RPL11: variants seen among roughly 807,000 people sequenced by gnomAD.
RPL11 encodes ribosomal protein L11, also known as large ribosomal subunit protein uL5.
In RPL11, 3 loss-of-function variants were observed where a neutral mutation model predicts 24.1. The observed-to-expected ratio is 0.12, with a 90% CI of 0.06 to 0.32. RPL11 has a LOEUF of 0.32. Ranked by LOEUF, RPL11 falls within the 10% of genes least tolerant of loss-of-function variation. The pLI is 1.00. For synonymous variants in RPL11, 96 were observed against 75.7 expected (o/e 1.27, Z -1.39); for missense variants, 146 against 225.7 (o/e 0.65, Z 2.26).
intron 1 of RPL11, 125 bp from the exon 2 acceptor site, chr1:23,692,484 T>C (rs1325165854): frequency 7.9e-7 from 1 of 1,262,548 alleles, no homozygotes; most frequent in African/African-American, 1.5e-5. Flanking sequence ...TTATACCTTT[T>C]AAACATTCAG....
chr1:23,693,275 G>A (rs1053229732), intron 2 of RPL11, among the ~76,000 whole-genome samples: 62 of 152,262 alleles, frequency 4.1e-4, no homozygotes, highest in African/African-American at 1.5e-3. Flanking sequence ...GCATAAAGAG[G>A]GTAATACTTT....
chr1:23,692,806 G>C, intron 2 of RPL11, 47 bp downstream of exon 2: 1 of 1,610,590 alleles, frequency 6.2e-7, no homozygotes, highest in Non-Finnish European at 8.5e-7. Flanking sequence ...TGGGTCGCTT[G>C]GTTGTTTCTT....
At chr1:23,693,170 T>C (rs1644512112) in intron 2 of RPL11, among the ~76,000 whole-genome samples, 1 of 152,206 alleles carries the variant, frequency 6.6e-6, no homozygotes, top group Non-Finnish European at 1.5e-5. Flanking sequence ...GTTGACCCTA[T>C]CTCAAAAGTT....
chr1:23,692,981 G>C (rs1412154368), intron 2 of RPL11, among the ~76,000 whole-genome samples: 2 of 151,494 alleles, frequency 1.3e-5, no homozygotes, highest in African/African-American at 4.9e-5. Context: ...GCTAAGACTA[G>C]CCCAAGTAAA....
chr1:23,692,964 A>T (rs1644510820), intron 2 of RPL11, among the ~76,000 whole-genome samples: 2 of 151,288 alleles, frequency 1.3e-5, no homozygotes. Flanking sequence ...ATTTGAGCAG[A>T]TCTTAAGCTA....
At position 23,696,521 on chromosome 1, in the gene RPL11, C is replaced by A; in HGVS notation, c.*148C>A. On this transcript the variant is annotated 3_prime_UTR_variant, in exon 6 of 6. Coordinates refer to ENST00000643754, the MANE Select transcript of RPL11 (RefSeq NM_000975.5). ...CGATGGGAGTAGCTGGTAACAACCC[C>A]GTCATCCTCTGATTGGATGCCAGTA... The A allele has an allele frequency of 1.3e-6, 1 of 748,286 alleles. No individual in the cohort carries two copies. Among genetic ancestry groups the A allele is most frequent in the East Asian group, 2.6e-5 (1 of 37,736 alleles). The allele number at this position is 748,286 out of a possible 1,614,324, so 46.4% of individuals were successfully genotyped here. A position where few individuals can be genotyped will look rare whatever the true frequency, so the allele number is the denominator to read the frequency against.
At position 23,696,555 on chromosome 1, in the gene RPL11, CAG is replaced by C; in HGVS notation, c.*184_*185del. The stretch of plus-strand genomic sequence containing the variant: ...CTGATTGGATGCCAGTATTTCCTGG[CAG>C]ATCCAAGTCCAAGCTTCATAGCATT... On this transcript the variant is annotated 3_prime_UTR_variant, in exon 6 of 6. Coordinates refer to ENST00000643754, the MANE Select transcript of RPL11 (RefSeq NM_000975.5). 1.5e-6 allele frequency: 1 copy of C among 669,012 alleles called. No homozygotes were observed. The highest frequency in any genetic ancestry group is 2.7e-6 in the Non-Finnish European group (1 of 371,790). 41.4% of individuals were successfully genotyped at this position (669,012 alleles called of 1,614,324 possible).
At chr1:23,692,200 G>T (rs1288198212) in intron 1 of RPL11, 1 of 454,914 alleles carries the variant, frequency 2.2e-6, no homozygotes, top group Non-Finnish European at 4.0e-6. Flanking sequence ...TAGGGAAGGT[G>T]CCAGCCTTTA....
At position 23,694,478 on chromosome 1, in the gene RPL11, T is replaced by C. The variant is rs560348158; in HGVS notation, c.265-182T>C. 4.6e-5 allele frequency among the ~76,000 whole-genome samples: 7 copies of C among 151,786 alleles called. No homozygotes were observed. In the East Asian group the frequency reaches 1.4e-3, roughly 29 times the overall value. The stretch of plus-strand genomic sequence containing the variant: ...GGAAGCTGGGAGAGGTCATACTGGG[T>C]AGTTGGGGTGTGAATCTATAGTCGA... On this transcript the variant is annotated intron_variant, in intron 3 of 5. Coordinates refer to ENST00000643754, the MANE Select transcript of RPL11 (RefSeq NM_000975.5).
chr1:23,693,801 C>T lies in RPL11; in HGVS notation c.158-6C>T. ...CATCTGACTCCTTGTTACCCACTTC[C>T]TGCAGCTAGATACACTGTCAGATCC... is the stretch of plus-strand genomic sequence containing the variant. On this transcript the variant is annotated splice_region_variant and splice_polypyrimidine_tract_variant and intron_variant, in intron 2 of 5. Coordinates refer to ENST00000643754, the MANE Select transcript of RPL11 (RefSeq NM_000975.5). The T allele has an allele frequency of 1.2e-6, 2 of 1,612,176 alleles. No homozygotes were observed. The highest frequency in any genetic ancestry group is 1.7e-6 in the Non-Finnish European group (2 of 1,178,308).
At chr1:23,693,325 G>C (rs1285246647) in intron 2 of RPL11, among the ~76,000 whole-genome samples, 2 of 152,180 alleles carry the variant, frequency 1.3e-5, no homozygotes, top group Non-Finnish European at 2.9e-5. Flanking sequence ...ATGTGTAGTT[G>C]CTTTAGGACA....
At chr1:23,695,061 G>T in intron 4 of RPL11, 1 of 487,944 alleles carries the variant, frequency 2.0e-6, no homozygotes, top group East Asian at 4.0e-5. Flanking sequence ...GAAGGAAACT[G>T]TTCCCTCCAG....
Position 23,694,596 on chromosome 1 carries a change from T to G in RPL11, c.265-64T>G. 2.5e-6 allele frequency: 4 copies of G among 1,609,432 alleles called. No individual in the cohort carries two copies. The South Asian group carries it at 4.4e-5, about 18-fold the overall frequency. On this transcript the variant is annotated intron_variant, in intron 3 of 5. Coordinates refer to ENST00000643754, the MANE Select transcript of RPL11 (RefSeq NM_000975.5). ...ATGTTGCAGGCTGAGCTATTAATAG[T>G]TACTTGGGGGTGGGAGGGAGTTGAA... is the stretch of plus-strand genomic sequence containing the variant.
rs751324954 is a variant in RPL11 at position 23,691,839 on chromosome 1, T to G, written c.6+10T>G. On this transcript the variant is annotated intron_variant, in intron 1 of 5. Transcript: ENST00000643754. ...GCTCTCCATCATGGCGGTGAGTAGC[T>G]GGGACCTGGATTTGCTTTCCTTTAT... 1.9e-6 allele frequency: 3 copies of G among 1,614,138 alleles called. No individual in the cohort carries two copies. The highest frequency in any genetic ancestry group is 2.5e-6 in the Non-Finnish European group (3 of 1,180,048).
At position 23,692,765 on chromosome 1, in the gene RPL11, T is replaced by TA. The variant is rs1644509308; in HGVS notation, c.157+7dup. The TA allele has an allele frequency of 1.2e-6, 2 of 1,612,990 alleles. No homozygotes were observed. Among genetic ancestry groups the TA allele is most frequent in the Non-Finnish European group, 1.7e-6 (2 of 1,179,862 alleles). On this transcript the variant is annotated splice_region_variant and intron_variant, in intron 2 of 5. Coordinates refer to ENST00000643754, the MANE Select transcript of RPL11 (RefSeq NM_000975.5). ...GACCCCTGTGTTTTCCAAAGGTGAG[T>TA]AGTCACAAGGACATACAGGGTTTGC...
rs1474884432 is a variant in RPL11, at chr1:23,693,985, T to C, written c.264+72T>C. 3 of 1,103,662 alleles carry C rather than the reference T, an allele frequency of 2.7e-6. No homozygotes were observed. The African/African-American group carries it at 4.6e-5, about 17-fold the overall frequency. 68.4% of individuals were successfully genotyped at this position (1,103,662 alleles called of 1,614,324 possible). On this transcript the variant is annotated intron_variant, in intron 3 of 5. Coordinates refer to ENST00000643754, the MANE Select transcript of RPL11 (RefSeq NM_000975.5). ...GTAACACATGTAGATAAGTTACATT[T>C]AATGTTCTGTTCTTTGGTGTCTTGA...
intron 4 of RPL11, chr1:23,695,439 T>A (rs2124431731): frequency 3.1e-6 from 1 of 320,364 alleles, no homozygotes; most frequent in Middle Eastern, 1.1e-3. Flanking sequence ...TATATATATT[T>A]GTGCTTCTCA....
chr1:23,695,007 G>A, intron 4 of RPL11: 1 of 664,668 alleles, frequency 1.5e-6, no homozygotes. Flanking sequence ...TGGGGAACTT[G>A]CAGTCGAGGA....
intron 4 of RPL11, 195 bp downstream of exon 4, chr1:23,694,986 A>T: frequency 2.5e-6 from 2 of 784,352 alleles, no homozygotes; most frequent in Non-Finnish European, 4.2e-6. Context: ...GGTGGACAAG[A>T]TCCCTGCTGT....
Sources: gnomAD v4.1 joint callset for allele counts (sites outside exome capture counted in the v4.1 genomes callset) on GRCh38, gnomAD v4.1.1 for gene constraint, MANE v1.5 for transcripts, NCBI Gene and HGNC (gene_info 2026-07-23, HGNC 2026-07-21) for gene names.